The following ABCA13 variants were observed in gnomAD, a reference collection of about 807,000 sequenced individuals.
ABCA13 encodes the protein ATP binding cassette subfamily A member 13.
ABCA13 carries 476 observed loss-of-function variants against 478.7 expected under a neutral mutation model. The observed-to-expected ratio is 0.99, with a 90% CI of 0.92 to 1.07. The LOEUF (loss-of-function observed/expected upper bound fraction) is 1.07, where lower values mean the gene tolerates loss of function less well. Among genes scored for constraint, ABCA13 ranks in the 50% least tolerant of loss-of-function variants. The pLI is 0.00. For missense variants in ABCA13, 6,060 were observed against 5,910.6 expected, an observed-to-expected ratio of 1.03 and a Z score of -0.83; for synonymous variants, 2,252 against 2,158.9, an observed-to-expected ratio of 1.04 and a Z score of -1.20.
chr7:48,587,410 G>A, intron 57 of ABCA13, 122 bp downstream of exon 57: 1 of 1,159,000 alleles, frequency 8.6e-7, no homozygotes, highest in Non-Finnish European at 1.2e-6. Flanking sequence ...CTACAAACTA[G>A]TAAACTGTTT....
chr7:48,539,752 T>G (rs1833836922), intron 55 of ABCA13, among the ~76,000 whole-genome samples: 1 of 152,204 alleles, frequency 6.6e-6, no homozygotes, highest in Admixed American at 6.5e-5. Context: ...ACTCAAATGT[T>G]TAAATGAAGG....
chr7:48,495,901 C>A (rs1434542068), intron 48 of ABCA13, among the ~76,000 whole-genome samples: 1 of 152,118 alleles, frequency 6.6e-6, no homozygotes, highest in Non-Finnish European at 1.5e-5. Flanking sequence ...TCTATTTTAT[C>A]TGATCTCAAC....
chr7:48,234,109 T>C lies in ABCA13; in HGVS notation c.855T>C (p.Leu285=), dbSNP rs780391805. 2 of 1,614,034 alleles carry C rather than the reference T, an allele frequency of 1.2e-6. No individual in the cohort carries two copies. The highest frequency in any genetic ancestry group is 2.7e-5 in the African/African-American group (2 of 75,068). The change falls in exon 8 of 62, where the codon CTT becomes CTC. Residue 285 remains leucine (L), a synonymous_variant. Coordinates refer to ENST00000435803, the MANE Select transcript of ABCA13 (RefSeq NM_152701.5). Reference sequence around the variant, plus strand: ...AATCCCAGTTTGGCTTTGATGATCTTCACACGGAACAGATCCTGAACTCTT... The same window carrying C: ...AATCCCAGTTTGGCTTTGATGATCTCCACACGGAACAGATCCTGAACTCTT... The part of the protein sequence containing the change: ...DLKSQFGFDD[L]HTEQILNSSA...
chr7:48,237,023 T>G (rs1442108813), intron 8 of ABCA13, among the ~76,000 whole-genome samples: 1 of 151,356 alleles, frequency 6.6e-6, no homozygotes, highest in African/African-American at 2.4e-5. Flanking sequence ...TTTTTTTTTT[T>G]TTTTTTTTTT....
rs1796553517 is a variant in ABCA13, at chr7:48,278,166, A to G, written c.6972A>G (p.Arg2324=). The part of the protein sequence containing the change: ...DQFLTLMIQD[R]LMNIFSSLKE... ...TTCTTACCCTGATGATACAAGACAG[A>G]TTGATGAACATTTTTTCAAGTTTAA... The change falls in exon 18 of 62, where the codon AGA becomes AGG. Residue 2324 remains arginine, a synonymous_variant. Transcript: ENST00000435803. 1.3e-6 allele frequency: 2 copies of G among 1,551,600 alleles called. No individual in the cohort carries two copies. The highest frequency in any genetic ancestry group is 4.5e-5 in the East Asian group (2 of 44,348).
chr7:48,366,096 A>G (rs559010435), intron 31 of ABCA13, among the ~76,000 whole-genome samples: 14 of 152,286 alleles, frequency 9.2e-5, no homozygotes, highest in African/African-American at 3.4e-4. Flanking sequence ...TCTTCAAAAT[A>G]TAATACAAAA....
At chr7:48,327,826 A>C (rs1043151683) in intron 27 of ABCA13, among the ~76,000 whole-genome samples, 1 of 152,218 alleles carries the variant, frequency 6.6e-6, no homozygotes, top group Non-Finnish European at 1.5e-5. Flanking sequence ...AATGCATGGC[A>C]TTTCACCCAT....
rs61376984 is a variant in ABCA13, at chr7:48,381,370, T to TACAC, written c.11335+4815_11335+4818dup. ...TTGCTCTCTGTCACACACATACACA[T>TACAC]ACACACACACACACACACACGCACG... On this transcript the variant is annotated intron_variant, in intron 35 of 61. Transcript: ENST00000435803. 2.0e-4 allele frequency among the ~76,000 whole-genome samples: 30 copies of TACAC among 149,038 alleles called. 1 individual carries two copies. The highest frequency in any genetic ancestry group is 5.9e-4 in the East Asian group (3 of 5,066).
chr7:48,425,012 A>G (rs1246682416), intron 41 of ABCA13, among the ~76,000 whole-genome samples: 1 of 152,124 alleles, frequency 6.6e-6, no homozygotes, highest in Non-Finnish European at 1.5e-5. Context: ...CTTGCCTTTC[A>G]CTGTTCATAG....
chr7:48,502,490 G>A (rs1830845459), intron 48 of ABCA13, among the ~76,000 whole-genome samples: 1 of 152,180 alleles, frequency 6.6e-6, no homozygotes, highest in African/African-American at 2.4e-5. Context: ...AGAAACAGCA[G>A]TGTTCTTTTG....
chr7:48,411,035 CT>C (rs758606925), intron 40 of ABCA13, among the ~76,000 whole-genome samples: 1 of 109,514 alleles, frequency 9.1e-6, no homozygotes, highest in African/African-American at 3.5e-5. Context: ...TTCTTTCTTT[CT>C]TTCTTTCTTT....
At chr7:48,385,868 G>C (rs900468970) in intron 35 of ABCA13, among the ~76,000 whole-genome samples, 2 of 152,048 alleles carry the variant, frequency 1.3e-5, no homozygotes, top group African/African-American at 4.8e-5. Flanking sequence ...GGTGTGAGAT[G>C]GTATCTCATT....
At chr7:48,624,099 T>TGG (rs1554586341) in intron 59 of ABCA13, among the ~76,000 whole-genome samples, 36 of 149,786 alleles carry the variant, frequency 2.4e-4, no homozygotes, top group African/African-American at 8.6e-4. Context: ...TGTGTGTGTG[T>TGG]GGCTCAGTTA....
At position 48,273,052 on chromosome 7, in the gene ABCA13, C is replaced by G. The variant is rs200430365; in HGVS notation, c.3386C>G (p.Ser1129Ter). The G allele has an allele frequency of 2.5e-6, 4 of 1,613,576 alleles. No individual in the cohort carries two copies. In the South Asian group the frequency reaches 4.4e-5, roughly 18 times the overall value. ...GTTTTTCCATTGGCACAAATTTTTT[C>G]AAACCTCTCAGCAAATGTCAGTGTG... is the stretch of plus-strand genomic sequence containing the variant. ...SFVFPLAQIF[S>*]NLSANVSVFN... Residue 1129 changes from serine (S) to a stop codon, truncating the protein, a stop_gained, in exon 17 of 62, where the codon TCA becomes TGA. Transcript: ENST00000435803. LOFTEE classifies it high-confidence loss of function.
chr7:48,601,850 G>T (rs979229718), intron 58 of ABCA13, among the ~76,000 whole-genome samples: 1 of 152,208 alleles, frequency 6.6e-6, no homozygotes, highest in African/African-American at 2.4e-5. Context: ...CAGTGCAAAA[G>T]TGTTCCTATT....
At chr7:48,445,439 C>T (rs150288203) in intron 42 of ABCA13, among the ~76,000 whole-genome samples, 4 of 152,344 alleles carry the variant, frequency 2.6e-5, no homozygotes, top group African/African-American at 9.6e-5. Flanking sequence ...ATCCTGACTG[C>T]ACCTTGTCTA....
At chr7:48,497,947 C>T (rs1918613) in intron 48 of ABCA13, among the ~76,000 whole-genome samples, 19,145 of 152,168 alleles carry the variant, frequency 0.13, 1,484 homozygotes, top group African/African-American at 0.19. Context: ...ACTGAGTAGC[C>T]GTATTCTGCA....
chr7:48,223,749 G>T (rs1254077727), intron 5 of ABCA13, among the ~76,000 whole-genome samples: 1 of 152,022 alleles, frequency 6.6e-6, no homozygotes, highest in Admixed American at 6.6e-5. Context: ...CTAAGGTCAG[G>T]AGTTCAAGAC....
At chr7:48,214,334 A>G (rs886720182) in intron 3 of ABCA13, among the ~76,000 whole-genome samples, 2 of 152,194 alleles carry the variant, frequency 1.3e-5, no homozygotes, top group East Asian at 1.9e-4. Context: ...TTGATTTAGC[A>G]TAGTTCTTAA....
Sources: allele counts gnomAD v4.1 joint callset (sites outside exome capture counted in the v4.1 genomes callset), GRCh38; gene constraint gnomAD v4.1.1; transcripts MANE v1.5; gene names NCBI Gene and HGNC (gene_info 2026-07-23, HGNC 2026-07-21).